Variants in OPCML observed in about 807,000 individuals in gnomAD.
OPCML encodes opioid binding protein/cell adhesion molecule like, also known as opioid-binding protein/cell adhesion molecule.
A neutral mutation model predicts 37.8 loss-of-function variants in OPCML; 13 were observed. That is an observed-to-expected ratio of 0.34 (90% CI 0.22 to 0.55). OPCML has a LOEUF of 0.55. OPCML is among the 20% of genes least tolerant of loss of function. OPCML has a pLI of 0.91. For missense variants in OPCML, 341 were observed against 435.6 expected (o/e 0.78, Z 1.93); for synonymous variants, 176 against 168.8 (o/e 1.04, Z -0.33).
At chr11:132,733,414 A>G (rs1010020763) in intron 2 of OPCML, among the ~76,000 whole-genome samples, 1 of 152,070 alleles carries the variant, frequency 6.6e-6, no homozygotes, top group African/African-American at 2.4e-5. Context: ...ATTTAGAAAC[A>G]GGGGGAAATA....
intron 3 of OPCML, among the ~76,000 whole-genome samples, chr11:132,637,385 C>A (rs902316992): frequency 1.3e-5 from 2 of 152,130 alleles, no homozygotes; most frequent in Non-Finnish European, 2.9e-5. Flanking sequence ...GCTAGCCTTT[C>A]TCTGAGCCTG....
In OPCML at chr11:133,203,204, C is replaced by A. The variant is rs550094310; in HGVS notation, c.62-260194G>T. ...CAAATCTCACGCTTTCAGTTATACA[C>A]CTTCCAAGCAAGTTACTCAATCTCT... On this transcript the variant is annotated intron_variant, in intron 1 of 7. Transcript: ENST00000524381. 5.9e-5 allele frequency among the ~76,000 whole-genome samples: 9 copies of A among 152,340 alleles called. No homozygotes were observed. The South Asian group carries it at 1.9e-3, about 32-fold the overall frequency.
rs183467040 is a variant in OPCML, at chr11:132,552,169, A to G, written c.380-22983T>C. 3.2e-4 allele frequency among the ~76,000 whole-genome samples: 49 copies of G among 152,314 alleles called. No homozygotes were observed. In the Middle Eastern group the frequency reaches 0.024, roughly 74 times the overall value. On this transcript the variant is annotated intron_variant, in intron 3 of 7. Transcript: ENST00000524381. ...GTGGGGCCTGGTTATTTCCATTTCT[A>G]TGTTCCCAAGTAATGCTGATGCTGC...
rs541706062 is a variant in OPCML at position 133,101,050 on chromosome 11, G to A, written c.62-158040C>T. 9.2e-5 allele frequency among the ~76,000 whole-genome samples: 14 copies of A among 152,120 alleles called. No homozygotes were observed. The East Asian group carries it at 1.6e-3, about 17-fold the overall frequency. ...AGCGATTCTCCTGCCTCAGCCTCCC[G>A]AGTAGCTGGGACTACAGGTGCCCAC... On this transcript the variant is annotated intron_variant, in intron 1 of 7. Coordinates refer to ENST00000524381, the MANE Select transcript of OPCML (RefSeq NM_001012393.5).
chr11:132,441,053 TAGGATAGGA>T (rs898563099), intron 4 of OPCML, among the ~76,000 whole-genome samples: 4 of 149,416 alleles, frequency 2.7e-5, no homozygotes, highest in Non-Finnish European at 4.4e-5. Context: ...AGGAACAGGA[TAGGATAGGA>T]AGGAGAGGGA....
chr11:132,820,058 A>T (rs1939882704), intron 2 of OPCML, among the ~76,000 whole-genome samples: 2 of 132,380 alleles, frequency 1.5e-5, no homozygotes, highest in Non-Finnish European at 3.3e-5. Flanking sequence ...AACACAGCAA[A>T]AACTGAATGA....
intron 1 of OPCML, chr11:133,299,587 T>C (rs1160865729): frequency 6.6e-6 from 1 of 152,226 alleles, no homozygotes; most frequent in Non-Finnish European, 1.5e-5. Context: ...TTATTAAAAG[T>C]GAGTTAATAC....
At chr11:132,691,908 T>A (rs1008864047) in intron 2 of OPCML, among the ~76,000 whole-genome samples, 8 of 152,202 alleles carry the variant, frequency 5.3e-5, no homozygotes, top group African/African-American at 1.9e-4. Flanking sequence ...CAGTTGACAG[T>A]ATCGACAGAT....
chr11:133,277,251 A>C (rs1249281416), intron 1 of OPCML, among the ~76,000 whole-genome samples: 2 of 152,190 alleles, frequency 1.3e-5, no homozygotes, highest in Non-Finnish European at 2.9e-5. Context: ...AGATGCAGTC[A>C]ATTTGCCTCC....
intron 2 of OPCML, among the ~76,000 whole-genome samples, chr11:132,854,358 T>C (rs1941958059): frequency 1.3e-5 from 2 of 152,210 alleles, no homozygotes; most frequent in South Asian, 4.1e-4. Flanking sequence ...TTCTGGGTTT[T>C]ATGGAGCTTT....
intron 1 of OPCML, among the ~76,000 whole-genome samples, chr11:133,236,880 G>GACATAGCA (rs1940540816): frequency 6.6e-6 from 1 of 151,978 alleles, no homozygotes; most frequent in Admixed American, 6.6e-5. Flanking sequence ...AGTGGAAACC[G>GACATAGCA]GACATAGCAG....
intron 3 of OPCML, among the ~76,000 whole-genome samples, chr11:132,537,573 A>G (rs2096344250): frequency 6.6e-6 from 1 of 152,236 alleles, no homozygotes; most frequent in Non-Finnish European, 1.5e-5. Context: ...GAAAAAATAG[A>G]TAAACCGGAC....
intron 4 of OPCML, among the ~76,000 whole-genome samples, chr11:132,493,818 T>A (rs1016775847): frequency 6.6e-6 from 1 of 152,270 alleles, no homozygotes. Context: ...CTCCATTTTA[T>A]CCTGATCCAA....
chr11:133,181,969 AG>A (rs1243772217), intron 1 of OPCML, among the ~76,000 whole-genome samples: 1 of 152,174 alleles, frequency 6.6e-6, no homozygotes, highest in African/African-American at 2.4e-5. Flanking sequence ...AAGGCCAAGC[AG>A]GGCCCAGAAA....
chr11:133,400,393 T>A (rs1945376675), intron 1 of OPCML, among the ~76,000 whole-genome samples: 1 of 152,222 alleles, frequency 6.6e-6, no homozygotes, highest in Non-Finnish European at 1.5e-5. Context: ...GCAACCCTTT[T>A]AAGGTGCTCT....
chr11:132,830,418 G>A (rs901158768), intron 2 of OPCML, among the ~76,000 whole-genome samples: 4 of 152,296 alleles, frequency 2.6e-5, no homozygotes, highest in East Asian at 1.9e-4. Context: ...GGCAGAGCAC[G>A]TGAAATACCA....
intron 3 of OPCML, among the ~76,000 whole-genome samples, chr11:132,613,330 C>A (rs1055913729): frequency 6.6e-6 from 1 of 152,222 alleles, no homozygotes. Flanking sequence ...GTTCAGGAAT[C>A]TAAATCGGGA....
intron 4 of OPCML, among the ~76,000 whole-genome samples, chr11:132,468,858 C>T (rs1165110056): frequency 2.0e-5 from 3 of 152,158 alleles, no homozygotes; most frequent in Non-Finnish European, 4.4e-5. Context: ...TCCCAGAACT[C>T]TCCTGCACTC....
chr11:133,283,495 AC>A (rs1942217243), intron 1 of OPCML, among the ~76,000 whole-genome samples: 1 of 151,816 alleles, frequency 6.6e-6, no homozygotes, highest in Admixed American at 6.6e-5. Context: ...AGATATTGGC[AC>A]CATGCTTCCT....
Sources: allele counts gnomAD v4.1 joint callset (sites outside exome capture counted in the v4.1 genomes callset), GRCh38; gene constraint gnomAD v4.1.1; transcripts MANE v1.5; gene names NCBI Gene and HGNC (gene_info 2026-07-23, HGNC 2026-07-21).